Variants in ZNF346 observed in about 807,000 individuals in gnomAD.
ZNF346 encodes the protein double-stranded RNA-binding zinc finger protein JAZ.
Under a neutral mutation model 33.7 loss-of-function variants are expected in ZNF346, and 23 were observed. That is an observed-to-expected ratio of 0.68 (90% CI 0.49 to 0.97). The LOEUF (loss-of-function observed/expected upper bound fraction) is 0.97, where lower values mean the gene tolerates loss of function less well. ZNF346 is among the 50% of genes least tolerant of loss of function. The probability of loss-of-function intolerance (pLI) is 0.00; values close to 1 mark genes in which losing one functional copy is unlikely to be tolerated. For missense variants in ZNF346, 340 were observed against 371.1 expected, an observed-to-expected ratio of 0.92 and a Z score of 0.69; for synonymous variants, 134 against 142.4, an observed-to-expected ratio of 0.94 and a Z score of 0.42.
intron 8 of ZNF346, among the ~76,000 whole-genome samples, chr5:177,078,597 G>A (rs1370613532): frequency 6.6e-6 from 1 of 152,086 alleles, no homozygotes; most frequent in South Asian, 2.1e-4. Flanking sequence ...ATCTGGCAAT[G>A]TAACAAGACC....
At chr5:177,069,464 AAC>A (rs1554159339), downstream of ZNF346, among the ~76,000 whole-genome samples, 5 of 151,892 alleles carry the variant, frequency 3.3e-5, no homozygotes, top group African/African-American at 1.2e-4. Flanking sequence ...AAAAAAAAAA[AAC>A]AAGTTGAGTT....
intron 5 of ZNF346, among the ~76,000 whole-genome samples, chr5:177,056,075 CAAAAAAAA>C (rs386405776): frequency 3.1e-5 from 3 of 97,112 alleles, no homozygotes; most frequent in South Asian, 3.6e-4. Context: ...GACTCCGTCT[CAAAAAAAA>C]AAAAAAAAAA....
chr5:177,023,877 A>G (rs1401737220), intron 1 of ZNF346, among the ~76,000 whole-genome samples: 1 of 151,942 alleles, frequency 6.6e-6, no homozygotes, highest in Non-Finnish European at 1.5e-5. Flanking sequence ...TGCCCTGGAT[A>G]AAATTGGATA....
chr5:177,026,303 C>T lies in ZNF346; in HGVS notation c.175+3390C>T, dbSNP rs546205300. Among the ~76,000 whole-genome samples the T allele has an allele frequency of 3.3e-5, 5 of 151,744 alleles. No individual in the cohort carries two copies. The East Asian group carries it at 9.7e-4, about 29-fold the overall frequency. On this transcript the variant is annotated intron_variant, in intron 1 of 6. Coordinates refer to ENST00000358149, the MANE Select transcript of ZNF346 (RefSeq NM_012279.4). ...TACACGCGTGAGCTACCATGCCCAG[C>T]CCCTTCCTCATCTTGTTTCTGAAGG...
intron 1 of ZNF346, among the ~76,000 whole-genome samples, chr5:177,039,244 C>T (rs1419752398): frequency 6.6e-6 from 1 of 152,026 alleles, no homozygotes; most frequent in Non-Finnish European, 1.5e-5. Context: ...AGAGTCATTT[C>T]TCTTGGTTTT....
chr5:177,031,948 G>A (rs1777759184), intron 1 of ZNF346, among the ~76,000 whole-genome samples: 1 of 148,112 alleles, frequency 6.8e-6, no homozygotes, highest in South Asian at 2.1e-4. Context: ...TTTATTAGTA[G>A]CAGATCATCA....
intron 8 of ZNF346, among the ~76,000 whole-genome samples, chr5:177,076,681 C>G (rs1171324052): frequency 6.6e-6 from 1 of 152,204 alleles, no homozygotes; most frequent in African/African-American, 2.4e-5. Context: ...TCTGCAAGAT[C>G]CCATTGCAGT....
chr5:177,037,513 C>G (rs1015773099), intron 1 of ZNF346, among the ~76,000 whole-genome samples: 1 of 152,228 alleles, frequency 6.6e-6, no homozygotes. Flanking sequence ...AATCTATTCA[C>G]TTGTTCAAGT....
At chr5:177,061,859 T>C (rs1782590136) in intron 5 of ZNF346, among the ~76,000 whole-genome samples, 199 bp from the exon 6 acceptor site, 1 of 152,118 alleles carries the variant, frequency 6.6e-6, no homozygotes, top group Admixed American at 6.6e-5. Flanking sequence ...GGAATGAGGA[T>C]CTTCCCAACC....
At chr5:177,036,462 G>A (rs1778526636) in intron 1 of ZNF346, among the ~76,000 whole-genome samples, 1 of 152,162 alleles carries the variant, frequency 6.6e-6, no homozygotes, top group East Asian at 1.9e-4. Context: ...TTGGATCTGT[G>A]TGTTGGTAGG....
chr5:177,070,954 G>T (rs1239536804), downstream of ZNF346, among the ~76,000 whole-genome samples: 2 of 152,178 alleles, frequency 1.3e-5, no homozygotes, highest in South Asian at 2.1e-4. Flanking sequence ...TGCATGAAAT[G>T]GAACCAAGAG....
intron 8 of ZNF346, among the ~76,000 whole-genome samples, chr5:177,074,069 A>G (rs1342504332): frequency 1.3e-5 from 2 of 152,206 alleles, no homozygotes; most frequent in Non-Finnish European, 2.9e-5. Flanking sequence ...CAGACCCTCT[A>G]GCATAGCCAA....
intron 3 of ZNF346, 81 bp downstream of exon 3, chr5:177,041,951 T>A: frequency 3.5e-6 from 3 of 862,748 alleles, no homozygotes; most frequent in Non-Finnish European, 5.7e-6. Flanking sequence ...AGTCAGACTG[T>A]CTTGGCTTCA....
chr5:177,028,349 T>G lies in ZNF346; in HGVS notation c.175+5436T>G, dbSNP rs548178789. On this transcript the variant is annotated intron_variant, in intron 1 of 6. Coordinates refer to ENST00000358149, the MANE Select transcript of ZNF346 (RefSeq NM_012279.4). ...TGAGGTCCCTGATTATTTTCTTGGT[T>G]AGTCTAGCTAAGAATTTGTCATTTT... Among the ~76,000 whole-genome samples the G allele has an allele frequency of 1.3e-4, 20 of 151,248 alleles. No individual in the cohort carries two copies. The South Asian group carries it at 4.2e-3, about 32-fold the overall frequency.
chr5:177,031,998 C>CTTTTTTTTTT lies in ZNF346; in HGVS notation c.175+9102_176-9102dup, dbSNP rs34021834. Among the ~76,000 whole-genome samples, 16 of 67,848 alleles carry CTTTTTTTTTT rather than the reference C, an allele frequency of 2.4e-4. 1 individual carries two copies. Among genetic ancestry groups the CTTTTTTTTTT allele is most frequent in the Admixed American group, 4.4e-4 (2 of 4,542 alleles). The allele number at this position is 67,848 out of a possible 152,430, so 44.5% of individuals were successfully genotyped here. A position where few individuals can be genotyped will look rare whatever the true frequency, so the allele number is the denominator to read the frequency against. ...GCTTTCTTCATGCCTTTTCTTTTTTCTTTTTTTTTTTTTTTTTTTTTTTTT... is the reference window on the plus strand; with the variant it reads ...GCTTTCTTCATGCCTTTTCTTTTTTCTTTTTTTTTTTTTTTTTTTTTTTTTTTTTTTTTTT... On this transcript the variant is annotated intron_variant, in intron 1 of 6. Coordinates refer to ENST00000358149, the MANE Select transcript of ZNF346 (RefSeq NM_012279.4).
chr5:177,075,371 C>T (rs1562051607), intron 8 of ZNF346, among the ~76,000 whole-genome samples: 2 of 151,646 alleles, frequency 1.3e-5, no homozygotes, highest in African/African-American at 4.8e-5. Context: ...AACACTGTAC[C>T]CCGGCCTGGG....
downstream of ZNF346, among the ~76,000 whole-genome samples, chr5:177,070,082 G>A (rs1783432779): frequency 6.6e-6 from 1 of 152,178 alleles, no homozygotes; most frequent in South Asian, 2.1e-4. Flanking sequence ...ACTCAGGCGT[G>A]GAATCATAGA....
chr5:177,045,448 A>G lies in ZNF346; in HGVS notation c.517+915A>G, dbSNP rs564198830. ...CGGCTCACTGCAAGCTCTACCTCCC[A>G]GGTTCATGCCATTCTTCAGCCTCAG... is the stretch of plus-strand genomic sequence containing the variant. On this transcript the variant is annotated intron_variant, in intron 4 of 6. Coordinates refer to ENST00000358149, the MANE Select transcript of ZNF346 (RefSeq NM_012279.4). Among the ~76,000 whole-genome samples, 5 of 151,728 alleles carry G rather than the reference A, an allele frequency of 3.3e-5. No homozygotes were observed. The East Asian group carries it at 9.7e-4, about 29-fold the overall frequency.
intron 5 of ZNF346, among the ~76,000 whole-genome samples, chr5:177,056,052 G>A (rs1274375589): frequency 7.7e-6 from 1 of 130,336 alleles, no homozygotes; most frequent in Non-Finnish European, 1.6e-5. Flanking sequence ...CTCCAGCCTG[G>A]GCAAAAAAGC....
Sources: gnomAD v4.1 joint callset for allele counts (sites outside exome capture counted in the v4.1 genomes callset) on GRCh38, gnomAD v4.1.1 for gene constraint, MANE v1.5 for transcripts, NCBI Gene and HGNC (gene_info 2026-07-23, HGNC 2026-07-21) for gene names.